Variants in COL6A1 observed in about 807,000 individuals in gnomAD.
The protein encoded by COL6A1 is collagen type VI alpha 1 chain, also known as collagen alpha-1(VI) chain.
In COL6A1, 80 loss-of-function variants were observed where a neutral mutation model predicts 145.6. That is an observed-to-expected ratio of 0.55 (90% CI 0.46 to 0.66). The LOEUF (loss-of-function observed/expected upper bound fraction) is 0.66, where lower values mean the gene tolerates loss of function less well. Among genes scored for constraint, COL6A1 ranks in the 30% least tolerant of loss-of-function variants. The probability of loss-of-function intolerance (pLI) is 0.00; values close to 1 mark genes in which losing one functional copy is unlikely to be tolerated. For synonymous variants in COL6A1, 638 were observed against 622.8 expected (o/e 1.02, Z -0.36); for missense variants, 1,364 against 1,473.8 (o/e 0.93, Z 1.22).
In COL6A1 at chr21:45,987,482, A is replaced by G. The variant is rs764561298; in HGVS notation, c.739-17A>G. Reference sequence around the variant, plus strand: ...GTGGCTTTCCCACTGACTCGTCTCCATGCTTTCCCCCCACAGTGCTGCTCC... The same window carrying G: ...GTGGCTTTCCCACTGACTCGTCTCCGTGCTTTCCCCCCACAGTGCTGCTCC... On this transcript the variant is annotated splice_polypyrimidine_tract_variant and intron_variant, in intron 6 of 34. Transcript: ENST00000361866. 5 of 1,612,918 alleles carry G rather than the reference A, an allele frequency of 3.1e-6. No individual in the cohort carries two copies. In the South Asian group the frequency reaches 5.5e-5, roughly 18 times the overall value.
At chr21:45,986,027 G>A (rs1316930186) in intron 3 of COL6A1, among the ~76,000 whole-genome samples, 5 of 152,208 alleles carry the variant, frequency 3.3e-5, no homozygotes, top group East Asian at 1.9e-4. Context: ...ACTGCCCTGC[G>A]ATACTGCCCT....
rs2077743234 is a variant in COL6A1, at chr21:45,987,028, G to C, written c.673G>C (p.Glu225Gln). ...AADWGQSRDA[E>Q]EAISQTIDTI... is the part of the protein sequence containing the mutation. ...TGACTGGGGCCAGAGCCGCGACGCA[G>C]AGGAGGCCATCAGCCAGACCATCGA... The change falls in exon 5 of 35, where the codon GAG becomes CAG. Residue 225 changes from glutamate to glutamine, a missense_variant. By Grantham distance (29) the Glu-to-Gln change is conservative. Transcript: ENST00000361866. The C allele has an allele frequency of 6.4e-7, 1 of 1,551,892 alleles. No individual in the cohort carries two copies. The highest frequency in any genetic ancestry group is 2.0e-5 in the Admixed American group (1 of 51,172).
At chr21:46,002,135 C>A in intron 31 of COL6A1, 65 bp downstream of exon 31, 1 of 1,576,122 alleles carries the variant, frequency 6.3e-7, no homozygotes, top group South Asian at 1.1e-5. Context: ...CACGGCAGGT[C>A]GGCCCTGACC....
rs113969925 is a variant in COL6A1 at position 45,987,073 on chromosome 21, G to A, written c.717+1G>A. Reference sequence around the variant, plus strand: ...CATCGACACCATCGTGGACATGATCGTGAGGCCCCTGCCCAGGAGACGGGG... The same window carrying A: ...CATCGACACCATCGTGGACATGATCATGAGGCCCCTGCCCAGGAGACGGGG... On this transcript the variant is annotated splice_donor_variant, in intron 5 of 34. Transcript: ENST00000361866. LOFTEE classifies it high-confidence loss of function. The A allele has an allele frequency of 7.1e-6, 11 of 1,558,076 alleles. No individual in the cohort carries two copies. Among genetic ancestry groups the A allele is most frequent in the Non-Finnish European group, 9.6e-6 (11 of 1,151,492 alleles).
chr21:45,987,345 C>T, intron 6 of COL6A1, 154 bp from the exon 7 acceptor site: 1 of 1,460,566 alleles, frequency 6.8e-7, no homozygotes, highest in Non-Finnish European at 9.5e-7. Context: ...TGCGTGTCCA[C>T]CTGTGTGTCT....
chr21:46,003,873 A>G lies in COL6A1; in HGVS notation c.2947A>G (p.Ile983Val), dbSNP rs758399765. The G allele has an allele frequency of 2.5e-6, 4 of 1,600,240 alleles. No homozygotes were observed. In the African/African-American group the frequency reaches 5.4e-5, roughly 21 times the overall value. Residue 983 changes from isoleucine (I) to valine (V), a missense_variant, in exon 35 of 35, where the codon ATC (isoleucine) becomes GTC (valine). Physicochemically the swap from Ile to Val is conservative, Grantham distance 29 (BLOSUM62 3). Coordinates refer to ENST00000361866, the MANE Select transcript of COL6A1 (RefSeq NM_001848.3). The stretch of plus-strand genomic sequence containing the variant: ...GGGCCGCCAGGTGAATGAGCCCCAC[A>G]TCCGCGTCCTGGTCACCGGCAAGAC... ...VVGRQVNEPH[I>V]RVLVTGKTAE...
At position 45,990,829 on chromosome 21, in the gene COL6A1, A is replaced by G; in HGVS notation, c.1056+3A>G. The G allele has an allele frequency of 6.2e-7, 1 of 1,613,334 alleles. No homozygotes were observed. Among genetic ancestry groups the G allele is most frequent in the Non-Finnish European group, 8.5e-7 (1 of 1,179,934 alleles). On this transcript the variant is annotated splice_donor_region_variant and intron_variant, in intron 14 of 34. Coordinates refer to ENST00000361866, the MANE Select transcript of COL6A1 (RefSeq NM_001848.3). ...GCAAGGGCTCGCCCGGGTTTGACGT[A>G]AGTCACTTCCTCTCACTGATACTTT...
chr21:45,990,719 G>A, intron 13 of COL6A1, 54 bp from the exon 14 acceptor site: 2 of 1,514,552 alleles, frequency 1.3e-6, no homozygotes, highest in Non-Finnish European at 1.8e-6. Context: ...CAGTTGATTG[G>A]CCTCAGTTTA....
intron 13 of COL6A1, 84 bp from the exon 14 acceptor site, chr21:45,990,689 A>T: frequency 7.9e-7 from 1 of 1,262,126 alleles, no homozygotes; most frequent in South Asian, 1.2e-5. Context: ...TGTGGAGGGC[A>T]TGGAGGGCAC....
Position 45,994,121 on chromosome 21 carries a change from C to T in COL6A1, c.1336-46C>T, listed in dbSNP as rs781669908. 1.3e-6 allele frequency: 2 copies of T among 1,558,552 alleles called. No homozygotes were observed. The highest frequency in any genetic ancestry group is 3.4e-4 in the Middle Eastern group (2 of 5,970). On this transcript the variant is annotated intron_variant, in intron 19 of 34. Coordinates refer to ENST00000361866, the MANE Select transcript of COL6A1 (RefSeq NM_001848.3). The surrounding 1 kb of genome is among the most constrained non-coding windows in gnomAD (Gnocchi z 6.8). ...CCCAGCGTGCCCGGGCAGCCATCCT[C>T]CCCAAGGATGGCCCAGCTCCACACT...
At chr21:45,985,373 C>CACAGACAGAG (rs879722189) in intron 3 of COL6A1, among the ~76,000 whole-genome samples, 1 of 144,296 alleles carries the variant, frequency 6.9e-6, no homozygotes, top group Non-Finnish European at 1.5e-5. Context: ...GAGAGAGAAG[C>CACAGACAGAG]ACAGACAGAG....
Position 45,999,101 on chromosome 21 carries a change from G to A in COL6A1, c.1675-52G>A, listed in dbSNP as rs372837331. 368 of 1,552,704 alleles carry A rather than the reference G, an allele frequency of 2.4e-4. 1 individual carries two copies. Among genetic ancestry groups the A allele is most frequent in the South Asian group, 5.1e-4 (43 of 84,510 alleles). On this transcript the variant is annotated intron_variant, in intron 25 of 34. Coordinates refer to ENST00000361866, the MANE Select transcript of COL6A1 (RefSeq NM_001848.3). ...GATGCTCTGTGGACGGGGCCAGCGC[G>A]CAGATGCCCGGGTGGTGCACGGTCT...
At chr21:46,002,917 C>T (rs568859765) in intron 33 of COL6A1, among the ~76,000 whole-genome samples, 4 of 150,752 alleles carry the variant, frequency 2.7e-5, no homozygotes, top group African/African-American at 9.8e-5. Context: ...CCTCCCAGCT[C>T]ACTGTTACCT....
At chr21:45,997,580 C>A in intron 21 of COL6A1, 97 bp downstream of exon 21, 1 of 1,534,576 alleles carries the variant, frequency 6.5e-7, no homozygotes, top group Non-Finnish European at 9.0e-7. Context: ...CCTCTGAGGA[C>A]TCTATGGCCC....
At chr21:45,984,533 G>T (rs2077726765) in intron 3 of COL6A1, 64 bp downstream of exon 3, 4 of 1,529,534 alleles carry the variant, frequency 2.6e-6, no homozygotes, top group Non-Finnish European at 3.6e-6. Flanking sequence ...CTGGGCTGGG[G>T]TTGGCCTGGG....
At position 45,994,035 on chromosome 21, in the gene COL6A1, G is replaced by A. The variant is rs2077791212; in HGVS notation, c.1336-132G>A. 9.8e-6 allele frequency: 9 copies of A among 917,164 alleles called. No individual in the cohort carries two copies. The highest frequency in any genetic ancestry group is 1.6e-5 in the Non-Finnish European group (9 of 571,292). The allele number at this position is 917,164 out of a possible 1,614,324, so 56.8% of individuals were successfully genotyped here. On this transcript the variant is annotated intron_variant, in intron 19 of 34. Transcript: ENST00000361866. The surrounding 1 kb of genome is among the most constrained non-coding windows in gnomAD (Gnocchi z 6.8). ...GAAACGCTTGGCGAGGCCAGGAAGG[G>A]GCTGTGCGGGGAGGGAAGGCCGGAA...
Position 46,004,119 on chromosome 21 carries a change from G to A in COL6A1, c.*106G>A. ...TTTTCCCGACCAACCTGATTCGCTA[G>A]ATTTTTTTTAAGGAAAAGCTTGGAA... On this transcript the variant is annotated 3_prime_UTR_variant, in exon 35 of 35. Transcript: ENST00000361866. The A allele has an allele frequency of 1.3e-6, 2 of 1,483,770 alleles. No homozygotes were observed. Among genetic ancestry groups the A allele is most frequent in the Non-Finnish European group, 1.8e-6 (2 of 1,081,478 alleles). The allele number at this position is 1,483,770 out of a possible 1,614,324, so 91.9% of individuals were successfully genotyped here.
intron 22 of COL6A1, among the ~76,000 whole-genome samples, 165 bp from the exon 23 acceptor site, chr21:45,997,956 C>T (rs535111341): frequency 6.6e-6 from 1 of 152,134 alleles, no homozygotes; most frequent in Admixed American, 6.5e-5. Context: ...CCCCGAGATC[C>T]GGGTCCCAGG....
chr21:45,991,158 C>T, intron 15 of COL6A1, 117 bp downstream of exon 15: 4 of 1,152,684 alleles, frequency 3.5e-6, no homozygotes, highest in Non-Finnish European at 5.1e-6. Flanking sequence ...CGTGCGGCCT[C>T]AGAGGGGAGG....
Sources: allele counts gnomAD v4.1 joint callset (sites outside exome capture counted in the v4.1 genomes callset), GRCh38; gene constraint gnomAD v4.1.1; non-coding constraint Gnocchi (gnomAD v3.1); transcripts MANE v1.5; gene names NCBI Gene and HGNC (gene_info 2026-07-23, HGNC 2026-07-21).